The following NLRP14 variants were observed in gnomAD, a reference collection of about 807,000 sequenced individuals.
NLRP14 encodes the protein NLR family pyrin domain containing 14.
NLRP14 carries 105 observed loss-of-function variants against 94.7 expected under a neutral mutation model. The ratio of observed to expected loss-of-function variants is 1.11; its 90% CI spans 0.95 to 1.30. The LOEUF is 1.30. Ranked by LOEUF, NLRP14 falls within the 50% of genes most tolerant of loss-of-function variation. NLRP14 has a pLI of 0.00. For synonymous variants in NLRP14, 508 were observed against 459.9 expected, an observed-to-expected ratio of 1.10 and a Z score of -1.34; for missense variants, 1,362 against 1,254.1, an observed-to-expected ratio of 1.09 and a Z score of -1.30.
At position 7,057,764 on chromosome 11, in the gene NLRP14, G is replaced by A. The variant is rs140883212; in HGVS notation, c.2379G>A (p.Leu793=). 4.4e-5 allele frequency: 71 copies of A among 1,611,964 alleles called. No homozygotes were observed. In the East Asian group the frequency reaches 1.5e-3, roughly 35 times the overall value. ...IRSQSLIFLN[L]STNNLLDDGV... is the part of the protein sequence containing the mutation. ...GCCAGAGCCTGATATTTCTGAATCTGTCAACCAATAATCTGTTGGATGATG... is the reference window on the plus strand; with the variant it reads ...GCCAGAGCCTGATATTTCTGAATCTATCAACCAATAATCTGTTGGATGATG... Residue 793 remains leucine (L), a synonymous_variant, in exon 7 of 12, where the codon CTG becomes CTA. Transcript: ENST00000299481.
At chr11:7,048,871 G>C (rs1852398613) in intron 5 of NLRP14, among the ~76,000 whole-genome samples, 1 of 152,132 alleles carries the variant, frequency 6.6e-6, no homozygotes, top group South Asian at 2.1e-4. Flanking sequence ...GTCTTACTGT[G>C]GTCCCTTTTT....
At chr11:7,082,757 C>T in the NLRP14 span, among the ~76,000 whole-genome samples, 4 of 152,172 alleles carry the variant, frequency 2.6e-5, no homozygotes, top group Non-Finnish European at 4.4e-5. Context: ...TTGCAGGCAG[C>T]AATACTAATC....
chr11:7,044,653 C>T (rs979985591), intron 4 of NLRP14, among the ~76,000 whole-genome samples: 1 of 152,120 alleles, frequency 6.6e-6, no homozygotes, highest in Non-Finnish European at 1.5e-5. Flanking sequence ...CTCAAGTTGC[C>T]TTTTCTGACT....
rs950108680 is a variant in NLRP14, at chr11:7,070,580, T to C, written c.3146+124T>C. On this transcript the variant is annotated intron_variant, in intron 11 of 11. Coordinates refer to ENST00000299481, the MANE Select transcript of NLRP14 (RefSeq NM_176822.4). ...TCATTGGGTATTTTCTAGACACTTA[T>C]TTGTTTTTCTGTCATAGAACACTGA... The C allele has an allele frequency of 3.8e-5, 26 of 686,598 alleles. No individual in the cohort carries two copies. In the East Asian group the frequency reaches 4.2e-4, roughly 11 times the overall value. The allele number at this position is 686,598 out of a possible 1,614,324, so 42.5% of individuals were successfully genotyped here.
chr11:7,084,823 A>T, the NLRP14 span, among the ~76,000 whole-genome samples: 3 of 152,224 alleles, frequency 2.0e-5, no homozygotes, highest in Non-Finnish European at 2.9e-5. Context: ...GCCAAGTCGG[A>T]TAAGCAGTGT....
chr11:7,090,093 A>T, the NLRP14 span: 1 of 1,611,820 alleles, frequency 6.2e-7, no homozygotes, highest in Non-Finnish European at 8.5e-7. Flanking sequence ...CGGCCGCGAC[A>T]GTTACAGCAG....
chr11:7,035,102 G>A (rs1191672048), intron 1 of NLRP14, among the ~76,000 whole-genome samples: 3 of 151,802 alleles, frequency 2.0e-5, no homozygotes, highest in Admixed American at 1.3e-4. Flanking sequence ...GACTAACATG[G>A]CCAACATGGT....
At chr11:7,077,617 G>T in the NLRP14 span, among the ~76,000 whole-genome samples, 1 of 152,258 alleles carries the variant, frequency 6.6e-6, no homozygotes, top group Non-Finnish European at 1.5e-5. Context: ...AGGTTTAATG[G>T]ACTTACAGTT....
chr11:7,073,669 C>T (rs2119734228), downstream of NLRP14, among the ~76,000 whole-genome samples: 1 of 152,240 alleles, frequency 6.6e-6, no homozygotes, highest in South Asian at 2.1e-4. Context: ...TAGGATGGCT[C>T]ACAGAACTCA....
chr11:7,062,052 A>C (rs1852630456), intron 9 of NLRP14, among the ~76,000 whole-genome samples: 1 of 151,974 alleles, frequency 6.6e-6, no homozygotes, highest in Non-Finnish European at 1.5e-5. Context: ...GTTTATATTC[A>C]TTTTTTTAAG....
chr11:7,026,885 A>C (rs1374278933), intron 1 of NLRP14, among the ~76,000 whole-genome samples: 1 of 151,936 alleles, frequency 6.6e-6, no homozygotes, highest in Non-Finnish European at 1.5e-5. Flanking sequence ...TGGGTGCAGC[A>C]CACCAGCATG....
intron 1 of NLRP14, 100 bp from the exon 2 acceptor site, chr11:7,038,466 T>A: frequency 3.0e-6 from 3 of 988,992 alleles, no homozygotes; most frequent in Non-Finnish European, 4.7e-6. Flanking sequence ...CTGCAAATGT[T>A]TGTTAAATTA....
At chr11:7,031,013 G>C (rs76251971) in intron 1 of NLRP14, among the ~76,000 whole-genome samples, 8 of 152,182 alleles carry the variant, frequency 5.3e-5, no homozygotes, top group Admixed American at 2.0e-4. Flanking sequence ...AGATTCGCTA[G>C]GTCAGGCGGT....
At chr11:7,066,980 A>T (rs7109582) in intron 10 of NLRP14, among the ~76,000 whole-genome samples, 147,459 of 152,116 alleles carry the variant, frequency 0.97, 71,631 homozygotes, top group Middle Eastern at 1. Context: ...ATTGCTTGTT[A>T]CTGTCAGGTT....
Position 7,042,935 on chromosome 11 carries a change from A to T in NLRP14, c.909A>T (p.Leu303Phe). The T allele has an allele frequency of 2.5e-6, 4 of 1,614,004 alleles. No individual in the cohort carries two copies. The highest frequency in any genetic ancestry group is 3.4e-6 in the Non-Finnish European group (4 of 1,179,850). Residue 303 changes from leucine to phenylalanine, a missense_variant, in exon 4 of 12, where the codon TTA (leucine) becomes TTT (phenylalanine). Leu to Phe is a conservative substitution (Grantham distance 22). Transcript: ENST00000299481. Reference protein sequence around the residue: ...LRKVMLPEASLLVTTRLTTSK... With the variant: ...LRKVMLPEASFLVTTRLTTSK... ...AAGTGATGCTCCCTGAGGCATCCTT[A>T]TTGGTGACAACAAGACTCACAACTT... is the stretch of plus-strand genomic sequence containing the variant.
chr11:7,062,604 C>A, intron 10 of NLRP14, 101 bp downstream of exon 10: 3 of 1,009,282 alleles, frequency 3.0e-6, no homozygotes, highest in Non-Finnish European at 4.7e-6. Context: ...CTAAATGGGG[C>A]TAGAAGGTAA....
At chr11:7,070,590 T>A (rs1042069072) in intron 11 of NLRP14, 134 bp downstream of exon 11, 22 of 659,048 alleles carry the variant, frequency 3.3e-5, no homozygotes, top group Non-Finnish European at 5.9e-5. Flanking sequence ...TTTGTTTTTC[T>A]GTCATAGAAC....
rs144247844 is a variant in NLRP14, at chr11:7,049,757, A to C, written c.2210A>C (p.Lys737Thr). 4.8e-4 allele frequency: 769 copies of C among 1,610,498 alleles called. 2 individuals are homozygous for C. Among genetic ancestry groups the C allele is most frequent in the Non-Finnish European group, 5.9e-4 (695 of 1,176,856 alleles). The stretch of plus-strand genomic sequence containing the variant: ...AAGAATCTGATGCATCTTGACCTAA[A>C]AGGGAGTGATATAGGGGATAATGGA... ...HNKNLMHLDL[K>T]GSDIGDNGVK... Residue 737 changes from lysine to threonine, a missense_variant, in exon 6 of 12, where the codon AAA (lysine) becomes ACA (threonine). By Grantham distance (78) the Lys-to-Thr change is moderately conservative. Coordinates refer to ENST00000299481, the MANE Select transcript of NLRP14 (RefSeq NM_176822.4).
intron 1 of NLRP14, among the ~76,000 whole-genome samples, chr11:7,021,825 T>C (rs1184327279): frequency 4.0e-5 from 6 of 151,044 alleles, no homozygotes; most frequent in Non-Finnish European, 7.4e-5. Context: ...ATAGCCGCAA[T>C]TGATAGTTGA....
Sources: allele counts gnomAD v4.1 joint callset (sites outside exome capture counted in the v4.1 genomes callset), GRCh38; gene constraint gnomAD v4.1.1; transcripts MANE v1.5; gene names NCBI Gene and HGNC (gene_info 2026-07-23, HGNC 2026-07-21).